GPR19: variants seen among roughly 807,000 people sequenced by gnomAD.
GPR19 encodes the protein G protein-coupled receptor 19.
Under a neutral mutation model 28.5 loss-of-function variants are expected in GPR19, and 14 were observed. The ratio of observed to expected loss-of-function variants is 0.49; its 90% CI spans 0.32 to 0.77. The LOEUF (loss-of-function observed/expected upper bound fraction) is 0.77. Among genes scored for constraint, GPR19 ranks in the 30% least tolerant of loss-of-function variants. The pLI, the probability that GPR19 is intolerant of heterozygous loss-of-function variation, is 0.03. For synonymous variants in GPR19, 173 were observed against 184.1 expected (o/e 0.94, Z 0.49); for missense variants, 409 against 504.1 (o/e 0.81, Z 1.81).
At chr12:12,676,476 G>T (rs1485408389) in intron 3 of GPR19, among the ~76,000 whole-genome samples, 4 of 152,174 alleles carry the variant, frequency 2.6e-5, no homozygotes, top group Admixed American at 6.5e-5. Flanking sequence ...GTTTAGGGCT[G>T]CTGGGGCCCA....
chr12:12,679,703 G>A (rs187306832), intron 3 of GPR19, among the ~76,000 whole-genome samples: 9 of 150,292 alleles, frequency 6.0e-5, no homozygotes, highest in African/African-American at 1.5e-4. Flanking sequence ...GACATTCCCC[G>A]ACCCCCACCA....
the GPR19 span, among the ~76,000 whole-genome samples, chr12:12,710,535 T>C: frequency 6.6e-6 from 1 of 152,096 alleles, no homozygotes; most frequent in Non-Finnish European, 1.5e-5. Context: ...TCTCCAGTAT[T>C]GTCTCTTTTG....
chr12:12,673,229 C>T (rs991341788), intron 3 of GPR19, among the ~76,000 whole-genome samples: 2 of 152,190 alleles, frequency 1.3e-5, no homozygotes, highest in African/African-American at 4.8e-5. Context: ...GAGAAAGTCT[C>T]CTGGCAGGGT....
At chr12:12,715,933 C>G in the GPR19 span, 2 of 152,256 alleles carry the variant, frequency 1.3e-5, no homozygotes. Flanking sequence ...AGCTACACAT[C>G]AAGCTCATCT....
At chr12:12,677,261 C>T (rs1234217429) in intron 3 of GPR19, among the ~76,000 whole-genome samples, 6 of 146,710 alleles carry the variant, frequency 4.1e-5, no homozygotes, top group Non-Finnish European at 8.9e-5. Context: ...GGCTGGAGTG[C>T]AGTAGTGCGA....
intron 3 of GPR19, among the ~76,000 whole-genome samples, chr12:12,672,896 T>A (rs143692330): frequency 1.9e-3 from 285 of 152,360 alleles, no homozygotes; most frequent in African/African-American, 6.2e-3. Flanking sequence ...ACACAGACAT[T>A]ATAATAACTA....
rs577679655 is a variant in GPR19 at position 12,684,395 on chromosome 12, T to C, written c.-67A>G. 1 of 152,350 alleles carries C rather than the reference T, an allele frequency of 6.6e-6. No homozygotes were observed. Among genetic ancestry groups the C allele is most frequent in the East Asian group, 1.9e-4 (1 of 5,186 alleles). 9.4% of individuals were successfully genotyped at this position (152,350 alleles called of 1,614,324 possible). On this transcript the variant is annotated 5_prime_UTR_variant, in exon 3 of 4. Coordinates refer to ENST00000651487, the MANE Select transcript of GPR19 (RefSeq NM_006143.3). ...CAGAGACGTTCTCTTTAGATCTTCT[T>C]GGTCAGGAATAGCCCTTGCATAGGA...
At chr12:12,678,158 A>G (rs1259518943) in intron 3 of GPR19, among the ~76,000 whole-genome samples, 1 of 151,764 alleles carries the variant, frequency 6.6e-6, no homozygotes, top group Non-Finnish European at 1.5e-5. Context: ...AAATGTGTTC[A>G]TATGTGTGAT....
chr12:12,685,260 ATG>A (rs1248330246), intron 2 of GPR19, among the ~76,000 whole-genome samples: 1 of 113,818 alleles, frequency 8.8e-6, no homozygotes, highest in Non-Finnish European at 1.7e-5. Context: ...CTCTTTAAAT[ATG>A]GTCTTTTTTT....
At position 12,679,629 on chromosome 12, in the gene GPR19, G is replaced by A. The variant is rs943512840; in HGVS notation, c.-23+4722C>T. On this transcript the variant is annotated intron_variant, in intron 3 of 3. Transcript: ENST00000651487. ...TGAGTGTACTACTGCACTCGAGGTT[G>A]GGTGACAGAGTGAGACCTTGTCTCT... Among the ~76,000 whole-genome samples the A allele has an allele frequency of 2.7e-5, 4 of 149,942 alleles. No homozygotes were observed. In the Admixed American group the frequency reaches 2.7e-4, roughly 10 times the overall value.
the GPR19 span, among the ~76,000 whole-genome samples, chr12:12,701,712 C>A: frequency 6.6e-6 from 1 of 152,224 alleles, no homozygotes; most frequent in Admixed American, 6.5e-5. Context: ...AGGAGGTTTG[C>A]TTGACTCCAG....
chr12:12,675,064 G>T (rs1459689808), intron 3 of GPR19, among the ~76,000 whole-genome samples: 1 of 152,178 alleles, frequency 6.6e-6, no homozygotes, highest in Non-Finnish European at 1.5e-5. Flanking sequence ...TGACAAGAGA[G>T]TCTAGCCAAC....
chr12:12,697,179 C>CAAAAAAAAAA (rs1946279518), upstream of GPR19, among the ~76,000 whole-genome samples: 9 of 20,144 alleles, frequency 4.5e-4, no homozygotes, highest in African/African-American at 9.6e-4. Flanking sequence ...AAAAAAAAAG[C>CAAAAAAAAAA]AGCCATGCAA....
chr12:12,702,255 G>T, the GPR19 span, among the ~76,000 whole-genome samples: 2 of 151,100 alleles, frequency 1.3e-5, no homozygotes, highest in Non-Finnish European at 1.5e-5. Flanking sequence ...TAATAGAATA[G>T]AATAGAATAA....
chr12:12,686,377 CTT>C (rs1302150127), intron 2 of GPR19, among the ~76,000 whole-genome samples: 2 of 152,156 alleles, frequency 1.3e-5, no homozygotes, highest in Admixed American at 6.5e-5. Flanking sequence ...AATTTTAACA[CTT>C]GACATTTTAA....
At chr12:12,706,481 T>A in the GPR19 span, among the ~76,000 whole-genome samples, 1 of 152,200 alleles carries the variant, frequency 6.6e-6, no homozygotes. Context: ...AGCTTTAATA[T>A]CATCTGAATG....
chr12:12,666,610 CTG>C lies in GPR19; in HGVS notation c.-22-4142_-22-4141del. Among the ~76,000 whole-genome samples the C allele has an allele frequency of 2.0e-5, 3 of 152,332 alleles. No homozygotes were observed. The East Asian group carries it at 5.8e-4, about 29-fold the overall frequency. On this transcript the variant is annotated intron_variant, in intron 3 of 3. Transcript: ENST00000651487. ...CCATGTTTCTGTCTTCTCCAATAAACTGTGGACTCCAGTAGGGAGATGGGGAT... is the reference window on the plus strand; with the variant it reads ...CCATGTTTCTGTCTTCTCCAATAAACTGGACTCCAGTAGGGAGATGGGGAT...
intron 3 of GPR19, among the ~76,000 whole-genome samples, chr12:12,673,213 T>C (rs1945877824): frequency 6.6e-6 from 1 of 152,122 alleles, no homozygotes; most frequent in South Asian, 2.1e-4. Context: ...TTCTGGCCAG[T>C]GACAAGAGAA....
At chr12:12,676,160 C>T (rs761661780) in intron 3 of GPR19, among the ~76,000 whole-genome samples, 1 of 152,190 alleles carries the variant, frequency 6.6e-6, no homozygotes, top group Non-Finnish European at 1.5e-5. Context: ...ACACATTGGG[C>T]TGGGGGCTAA....
Sources: gnomAD v4.1 joint callset for allele counts (sites outside exome capture counted in the v4.1 genomes callset) on GRCh38, gnomAD v4.1.1 for gene constraint, MANE v1.5 for transcripts, NCBI Gene and HGNC (gene_info 2026-07-23, HGNC 2026-07-21) for gene names.